The following ZBTB2 variants were observed in gnomAD, a reference collection of about 807,000 sequenced individuals.
The protein encoded by ZBTB2 is zinc finger and BTB domain containing 2.
ZBTB2 carries 2 observed loss-of-function variants against 39.5 expected under a neutral mutation model. The observed-to-expected ratio is 0.05, with a 90% CI of 0.02 to 0.16. The LOEUF (loss-of-function observed/expected upper bound fraction) is 0.16. ZBTB2 is among the 10% of genes least tolerant of loss of function. The probability of loss-of-function intolerance (pLI) is 1.00; values close to 1 mark genes in which losing one functional copy is unlikely to be tolerated. For missense variants in ZBTB2, 391 were observed against 653.0 expected, an observed-to-expected ratio of 0.60 and a Z score of 4.37; for synonymous variants, 251 against 256.6, an observed-to-expected ratio of 0.98 and a Z score of 0.21.
At chr6:151,383,460 TAATG>T (rs1779085459) in intron 1 of ZBTB2, among the ~76,000 whole-genome samples, 1 of 152,206 alleles carries the variant, frequency 6.6e-6, no homozygotes, top group African/African-American at 2.4e-5. Flanking sequence ...AATATATTGA[TAATG>T]GAGACAAAAT....
rs1223448618 is a variant in ZBTB2, at chr6:151,365,508, A to C, written c.*13T>G. 1.3e-6 allele frequency: 2 copies of C among 1,575,874 alleles called. No homozygotes were observed. Among genetic ancestry groups the C allele is most frequent in the Non-Finnish European group, 1.7e-6 (2 of 1,163,938 alleles). Reference sequence around the variant, plus strand: ...TTGTAAAAATGAGAGTTTTTTAAAAAGATAAGTGACATTCAGTCTAGTAAG... The same window carrying C: ...TTGTAAAAATGAGAGTTTTTTAAAACGATAAGTGACATTCAGTCTAGTAAG... On this transcript the variant is annotated 3_prime_UTR_variant, in exon 3 of 3. Coordinates refer to ENST00000325144, the MANE Select transcript of ZBTB2 (RefSeq NM_020861.3). The surrounding 1 kb of genome is among the most constrained non-coding windows in gnomAD (Gnocchi z 5.6).
chr6:151,369,630 A>C (rs1360273279), intron 2 of ZBTB2, among the ~76,000 whole-genome samples: 1 of 152,116 alleles, frequency 6.6e-6, no homozygotes, highest in Non-Finnish European at 1.5e-5. Context: ...AGCCTTAAAA[A>C]AAAATTTTTT....
At chr6:151,367,238 A>G (rs1316414568) in intron 2 of ZBTB2, among the ~76,000 whole-genome samples, 1 of 151,990 alleles carries the variant, frequency 6.6e-6, no homozygotes, top group South Asian at 2.1e-4. Flanking sequence ...CTCCTGCCTC[A>G]GCCTCCCGAG....
chr6:151,388,763 G>A (rs999690169), intron 1 of ZBTB2, among the ~76,000 whole-genome samples: 2 of 152,196 alleles, frequency 1.3e-5, no homozygotes, highest in African/African-American at 2.4e-5. Context: ...TATAAAAGCA[G>A]GTGTCACCGT....
chr6:151,390,865 G>A (rs1186537864), intron 1 of ZBTB2, among the ~76,000 whole-genome samples: 2 of 151,310 alleles, frequency 1.3e-5, no homozygotes, highest in Non-Finnish European at 1.5e-5. Flanking sequence ...GCGAGGCGTC[G>A]GAAGGATTAC....
chr6:151,365,385 T>G lies in ZBTB2; in HGVS notation c.*136A>C, dbSNP rs1778620971. 6.1e-6 allele frequency: 6 copies of G among 982,918 alleles called. No individual in the cohort carries two copies. The highest frequency in any genetic ancestry group is 9.0e-6 in the Non-Finnish European group (6 of 668,598). 60.9% of individuals were successfully genotyped at this position (982,918 alleles called of 1,614,324 possible). A position where few individuals can be genotyped will look rare whatever the true frequency, so the allele number is the denominator to read the frequency against. ...AGCCTTTACAGAGGTGGGGCTGGGATGTGGAAAAGGGGAAGAGGAGAAGAG... is the reference window on the plus strand; with the variant it reads ...AGCCTTTACAGAGGTGGGGCTGGGAGGTGGAAAAGGGGAAGAGGAGAAGAG... On this transcript the variant is annotated 3_prime_UTR_variant, in exon 3 of 3. Transcript: ENST00000325144. This position sits in a 1 kb window ranked among gnomAD's most constrained non-coding sequence, Gnocchi z 5.6.
intron 1 of ZBTB2, among the ~76,000 whole-genome samples, chr6:151,385,732 C>A (rs1050769129): frequency 6.6e-6 from 1 of 152,156 alleles, no homozygotes; most frequent in Admixed American, 6.5e-5. Flanking sequence ...TTGATTCTTT[C>A]AAGTAGTTTA....
chr6:151,373,684 A>T, intron 1 of ZBTB2, 35 bp from the exon 2 acceptor site: 1 of 1,584,714 alleles, frequency 6.3e-7, no homozygotes, highest in Non-Finnish European at 8.6e-7. Context: ...TAAGAAGGTG[A>T]TTCACAAATA....
At chr6:151,383,855 C>T (rs1779095555) in intron 1 of ZBTB2, among the ~76,000 whole-genome samples, 1 of 152,178 alleles carries the variant, frequency 6.6e-6, no homozygotes, top group Admixed American at 6.5e-5. Flanking sequence ...GTTTATACAC[C>T]TTGCCTGATG....
intron 1 of ZBTB2, among the ~76,000 whole-genome samples, chr6:151,373,869 A>AC (rs1445752253): frequency 0.012 from 1,745 of 147,282 alleles, 47 homozygotes; most frequent in Middle Eastern, 0.043. Flanking sequence ...AAAAAAAAAA[A>AC]AAAAAAAACC....
intron 1 of ZBTB2, among the ~76,000 whole-genome samples, chr6:151,381,366 CA>C (rs1402196526): frequency 1.3e-5 from 2 of 151,878 alleles, no homozygotes; most frequent in Non-Finnish European, 2.9e-5. Flanking sequence ...ACTAAAAATA[CA>C]AAAATTAGCC....
At position 151,364,459 on chromosome 6, in the gene ZBTB2, A is replaced by G. The variant is rs3186051; in HGVS notation, c.*1062T>C. ...TCAAGTTTTTTCCCAAACAGCAATT[A>G]GATTTTTTGTCCTGATTTCTCTTTG... is the stretch of plus-strand genomic sequence containing the variant. On this transcript the variant is annotated 3_prime_UTR_variant, in exon 3 of 3. Coordinates refer to ENST00000325144, the MANE Select transcript of ZBTB2 (RefSeq NM_020861.3). 1 of 152,530 alleles carries G rather than the reference A, an allele frequency of 6.6e-6. No individual in the cohort carries two copies. The highest frequency in any genetic ancestry group is 2.4e-5 in the African/African-American group (1 of 41,396). 9.4% of individuals were successfully genotyped at this position (152,530 alleles called of 1,614,324 possible).
At chr6:151,391,288 T>G (rs942843853) in intron 1 of ZBTB2, 132 bp downstream of exon 1, 1 of 151,638 alleles carries the variant, frequency 6.6e-6, no homozygotes. Context: ...TTCGTCGTCT[T>G]TGTTGCCACC....
chr6:151,385,290 C>A (rs1779128079), intron 1 of ZBTB2, among the ~76,000 whole-genome samples: 1 of 152,192 alleles, frequency 6.6e-6, no homozygotes, highest in Non-Finnish European at 1.5e-5. Context: ...ATACAAATGA[C>A]CTTTCAGATT....
intron 1 of ZBTB2, among the ~76,000 whole-genome samples, chr6:151,375,884 A>C (rs911548630): frequency 9.2e-5 from 14 of 152,204 alleles, no homozygotes; most frequent in African/African-American, 3.1e-4. Context: ...TAATTTTTAA[A>C]AAAGAACCAT....
At position 151,366,528 on chromosome 6, in the gene ZBTB2, G is replaced by C. The variant is rs369350793; in HGVS notation, c.538C>G (p.Leu180Val). 7.5e-5 allele frequency: 121 copies of C among 1,614,038 alleles called. No homozygotes were observed. The highest frequency in any genetic ancestry group is 1.6e-5 in the Non-Finnish European group (19 of 1,180,038). ...TTCACCTGGGCCAGATTTGAAGTCAGCTGGGAGAGCTGTGAGGCCTCAGGG... is the reference window on the plus strand; with the variant it reads ...TTCACCTGGGCCAGATTTGAAGTCACCTGGGAGAGCTGTGAGGCCTCAGGG... Reference protein sequence around the residue: ...QVPEASQLSQLTSNLAQVNRT... With the variant: ...QVPEASQLSQVTSNLAQVNRT... Residue 180 changes from leucine to valine, a missense_variant, in exon 3 of 3, where the codon CTG becomes GTG. By Grantham distance (32) the Leu-to-Val change is conservative. Around this residue, in one of 7 missense-constraint regions of ZBTB2, gnomAD observed 175 missense variants for 198.6 expected, o/e 0.88. Coordinates refer to ENST00000325144, the MANE Select transcript of ZBTB2 (RefSeq NM_020861.3). The surrounding 1 kb of genome is among the most constrained non-coding windows in gnomAD (Gnocchi z 7.1).
At chr6:151,373,267 A>G (rs1345161670) in intron 2 of ZBTB2, among the ~76,000 whole-genome samples, 198 bp downstream of exon 2, 1 of 149,514 alleles carries the variant, frequency 6.7e-6, no homozygotes, top group East Asian at 2.0e-4. Context: ...GGCTGCATAG[A>G]GCTGGCAGGT....
chr6:151,372,545 G>A (rs189436657), intron 2 of ZBTB2, among the ~76,000 whole-genome samples: 1 of 152,210 alleles, frequency 6.6e-6, no homozygotes, highest in African/African-American at 2.4e-5. Context: ...AAAAATAGAG[G>A]AGTGGGAACT....
intron 2 of ZBTB2, among the ~76,000 whole-genome samples, chr6:151,372,274 G>A (rs9371510): frequency 0.033 from 4,982 of 152,312 alleles, 142 homozygotes; most frequent in East Asian, 0.16. Flanking sequence ...AAGGGCAGTG[G>A]TTTTGATGAG....
Sources: allele counts gnomAD v4.1 joint callset (sites outside exome capture counted in the v4.1 genomes callset), GRCh38; gene constraint gnomAD v4.1.1; regional missense constraint gnomAD v4.1.1; non-coding constraint Gnocchi (gnomAD v3.1); transcripts MANE v1.5; gene names NCBI Gene and HGNC (gene_info 2026-07-23, HGNC 2026-07-21).